PTDSS2: variants seen among roughly 807,000 people sequenced by gnomAD.
PTDSS2 encodes the protein PSS-2.
In PTDSS2, 41 loss-of-function variants were observed where a neutral mutation model predicts 64.7. The observed-to-expected ratio is 0.63, with a 90% CI of 0.49 to 0.82. PTDSS2 has a LOEUF of 0.82. Ranked by LOEUF, PTDSS2 falls within the 40% of genes least tolerant of loss-of-function variation. The pLI is 0.00. For synonymous variants in PTDSS2, 297 were observed against 277.8 expected, an observed-to-expected ratio of 1.07 and a Z score of -0.69; for missense variants, 485 against 650.0, an observed-to-expected ratio of 0.75 and a Z score of 2.76.
At chr11:490,378 C>T in intron 11 of PTDSS2, 42 bp from the exon 12 acceptor site, 1 of 1,612,324 alleles carries the variant, frequency 6.2e-7, no homozygotes, top group South Asian at 1.1e-5. Context: ...TGCAGTGGGG[C>T]TGGTGTGGGG....
rs776712956 is a variant in PTDSS2, at chr11:473,970, T to G, written c.360T>G (p.Pro120=). Reference sequence around the variant, plus strand: ...CTAAAGACGGGCCATTTTCCAGACCTCATCCAGGTAACTTGCCATTTCCTT... The same window carrying G: ...CTAAAGACGGGCCATTTTCCAGACCGCATCCAGGTAACTTGCCATTTCCTT... ...TQAKDGPFSR[P]HPAYWRFWLC... Residue 120 remains proline (P), a synonymous_variant, in exon 3 of 12, where the codon CCT becomes CCG. Transcript: ENST00000308020. The G allele has an allele frequency of 6.2e-7, 1 of 1,613,496 alleles. No individual in the cohort carries two copies. Among genetic ancestry groups the G allele is most frequent in the Non-Finnish European group, 8.5e-7 (1 of 1,179,354 alleles).
chr11:452,340 G>A (rs1161400260), intron 1 of PTDSS2, among the ~76,000 whole-genome samples: 1 of 152,254 alleles, frequency 6.6e-6, no homozygotes, highest in East Asian at 1.9e-4. Flanking sequence ...GGCTCAAAAT[G>A]TGCTGGCTGG....
intron 3 of PTDSS2, among the ~76,000 whole-genome samples, chr11:475,579 G>A (rs1177134936): frequency 6.6e-6 from 1 of 152,172 alleles, no homozygotes; most frequent in South Asian, 2.1e-4. Context: ...GCGTTTGTGT[G>A]TACAGACATA....
At chr11:474,614 C>T (rs889339603) in intron 3 of PTDSS2, among the ~76,000 whole-genome samples, 1 of 152,198 alleles carries the variant, frequency 6.6e-6, no homozygotes, top group African/African-American at 2.4e-5. Flanking sequence ...CAGAGCATCC[C>T]GCCAATCTCA....
chr11:464,410 C>G (rs1031417208), intron 2 of PTDSS2, among the ~76,000 whole-genome samples: 8 of 152,198 alleles, frequency 5.3e-5, no homozygotes, highest in African/African-American at 1.7e-4. Flanking sequence ...CATGGGGGTG[C>G]GAAAGTGTTC....
At position 462,661 on chromosome 11, in the gene PTDSS2, T is replaced by C. The variant is rs1303068635; in HGVS notation, c.284+2373T>C. Reference sequence around the variant, plus strand: ...TGCACCTGTCCTGAGTCCATTCTCATGGCCTGGACCCGCACTGCTGCACAC... The same window carrying C: ...TGCACCTGTCCTGAGTCCATTCTCACGGCCTGGACCCGCACTGCTGCACAC... On this transcript the variant is annotated intron_variant, in intron 2 of 11. Transcript: ENST00000308020. The surrounding 1 kb of genome is among the most constrained non-coding windows in gnomAD (Gnocchi z 4.5). 6.6e-6 allele frequency among the ~76,000 whole-genome samples: 1 copy of C among 152,132 alleles called. No individual in the cohort carries two copies. Among genetic ancestry groups the C allele is most frequent in the African/African-American group, 2.4e-5 (1 of 41,430 alleles).
intron 4 of PTDSS2, among the ~76,000 whole-genome samples, chr11:483,815 A>ATG (rs56898935): frequency 0.033 from 5,073 of 152,192 alleles, 293 homozygotes; most frequent in African/African-American, 0.12. Context: ...GTTTGTGAGG[A>ATG]TGTCTGACGT....
Position 484,598 on chromosome 11 carries a change from G to A in PTDSS2, c.436-2341G>A, listed in dbSNP as rs548219774. Reference sequence around the variant, plus strand: ...AGGCATCTGTAAATAGTGCATGGGCGTGTGTGCTCACTGCGCAGGCATCTG... The same window carrying A: ...AGGCATCTGTAAATAGTGCATGGGCATGTGTGCTCACTGCGCAGGCATCTG... On this transcript the variant is annotated intron_variant, in intron 4 of 11. Transcript: ENST00000308020. Among the ~76,000 whole-genome samples, 12 of 151,270 alleles carry A rather than the reference G, an allele frequency of 7.9e-5. No individual in the cohort carries two copies. The East Asian group carries it at 1.2e-3, about 15-fold the overall frequency.
intron 1 of PTDSS2, among the ~76,000 whole-genome samples, chr11:458,228 T>G (rs1345342378): frequency 2.0e-5 from 3 of 151,844 alleles, no homozygotes; most frequent in South Asian, 2.1e-4. Flanking sequence ...TTTTTGAGAT[T>G]GAGTCTCGCT....
At position 490,086 on chromosome 11, in the gene PTDSS2, G is replaced by A. The variant is rs559105863; in HGVS notation, c.1301+18G>A. 3.7e-5 allele frequency: 59 copies of A among 1,590,496 alleles called. No homozygotes were observed. The highest frequency in any genetic ancestry group is 8.0e-5 in the African/African-American group (6 of 74,692). On this transcript the variant is annotated intron_variant, in intron 11 of 11. Transcript: ENST00000308020. ...TTCCTGCGGTGAGTCAGGGCAGGGC[G>A]CGTATGTTCTGAAGGAGGGCCGCTG...
At position 450,557 on chromosome 11, in the gene PTDSS2, C is replaced by T. The variant is rs1474683074; in HGVS notation, c.102C>T (p.Ala34=). Residue 34 remains alanine, a synonymous_variant, in exon 1 of 12, where the codon GCC becomes GCT. Coordinates refer to ENST00000308020, the MANE Select transcript of PTDSS2 (RefSeq NM_030783.3). ...AGGAGCCGCCTGACGGGCCGTCTGC[C>T]GGCCAAGCCACCGGGCCGGGCGAGG... is the stretch of plus-strand genomic sequence containing the variant. The part of the protein sequence containing the change: ...SLEEPPDGPS[A]GQATGPGEGR... 1.0e-5 allele frequency: 13 copies of T among 1,242,796 alleles called. No individual in the cohort carries two copies. Among genetic ancestry groups the T allele is most frequent in the Admixed American group, 4.2e-5 (1 of 23,594 alleles). The allele number at this position is 1,242,796 out of a possible 1,614,324, so 77.0% of individuals were successfully genotyped here.
rs1181940463 is a variant in PTDSS2 at position 476,899 on chromosome 11, T to C, written c.368-2186T>C. Among the ~76,000 whole-genome samples the C allele has an allele frequency of 1.3e-5, 2 of 152,214 alleles. No individual in the cohort carries two copies. Among genetic ancestry groups the C allele is most frequent in the Non-Finnish European group, 2.9e-5 (2 of 68,038 alleles). ...GATTTATTGACGGGGAAGCCTGTCC[T>C]GGAGCCACCTTCTTCCACGCGTCTT... On this transcript the variant is annotated intron_variant, in intron 3 of 11. Coordinates refer to ENST00000308020, the MANE Select transcript of PTDSS2 (RefSeq NM_030783.3). The surrounding 1 kb of genome is among the most constrained non-coding windows in gnomAD (Gnocchi z 4.9).
At chr11:448,570 C>G (rs955530578), upstream of PTDSS2, among the ~76,000 whole-genome samples, 10 of 152,164 alleles carry the variant, frequency 6.6e-5, no homozygotes, top group African/African-American at 1.4e-4. Flanking sequence ...CTGGACGCGG[C>G]CAGGGCCTGG....
chr11:454,003 A>C (rs1846469311), intron 1 of PTDSS2, among the ~76,000 whole-genome samples: 1 of 152,170 alleles, frequency 6.6e-6, no homozygotes, highest in African/African-American at 2.4e-5. Context: ...GGAGCCATTG[A>C]ACAGACCTGG....
At chr11:465,363 A>T (rs1318839275) in intron 2 of PTDSS2, among the ~76,000 whole-genome samples, 3 of 152,112 alleles carry the variant, frequency 2.0e-5, no homozygotes, top group East Asian at 1.9e-4. Context: ...GCTACTTTTT[A>T]AAATTTTTTG....
intron 2 of PTDSS2, among the ~76,000 whole-genome samples, chr11:468,166 G>C (rs1847228665): frequency 1.3e-5 from 2 of 152,234 alleles, no homozygotes; most frequent in Non-Finnish European, 1.5e-5. Context: ...CTGCGACCGG[G>C]AGGAACCTTA....
intron 4 of PTDSS2, among the ~76,000 whole-genome samples, chr11:482,783 G>A (rs1444710359): frequency 1.3e-5 from 2 of 150,880 alleles, no homozygotes; most frequent in African/African-American, 2.5e-5. Context: ...TGAGTTTTTC[G>A]TAGATCTCCC....
intron 4 of PTDSS2, among the ~76,000 whole-genome samples, chr11:485,639 G>A (rs570845090): frequency 7.0e-6 from 1 of 142,688 alleles, no homozygotes; most frequent in South Asian, 2.3e-4. Flanking sequence ...CAGTGCACGG[G>A]CGCGTGTGTG....
intron 8 of PTDSS2, among the ~76,000 whole-genome samples, chr11:489,098 G>A (rs115637331): frequency 0.025 from 3,864 of 152,358 alleles, 142 homozygotes; most frequent in African/African-American, 0.08. Flanking sequence ...ACGGCACCGT[G>A]GAGCGCCCTC....
Sources: gnomAD v4.1 joint callset for allele counts (sites outside exome capture counted in the v4.1 genomes callset) on GRCh38, gnomAD v4.1.1 for gene constraint, Gnocchi (gnomAD v3.1) non-coding constraint, MANE v1.5 for transcripts, NCBI Gene and HGNC (gene_info 2026-07-23, HGNC 2026-07-21) for gene names.